Variants in HFM1 observed in about 807,000 individuals in gnomAD.
HFM1 encodes the protein helicase for meiosis 1, also known as probable ATP-dependent DNA helicase HFM1.
Under a neutral mutation model 192.1 loss-of-function variants are expected in HFM1, and 169 were observed. That is an observed-to-expected ratio of 0.88 (90% confidence interval 0.78 to 1.00). The LOEUF (loss-of-function observed/expected upper bound fraction) is 1.00, where lower values mean the gene tolerates loss of function less well. HFM1 is among the 50% of genes least tolerant of loss of function. The pLI, the probability that HFM1 is intolerant of heterozygous loss-of-function variation, is 0.00. For missense variants in HFM1, 1,661 were observed against 1,668.0 expected (o/e 1.00, Z 0.07); for synonymous variants, 525 against 537.8 (o/e 0.98, Z 0.33).
At chr1:91,290,021 G>A (rs1668550444) in intron 30 of HFM1, among the ~76,000 whole-genome samples, 1 of 152,040 alleles carries the variant, frequency 6.6e-6, no homozygotes, top group African/African-American at 2.4e-5. Context: ...TCACCACCAG[G>A]CCTGCCCTAA....
intron 28 of HFM1, among the ~76,000 whole-genome samples, chr1:91,314,495 T>C (rs1650922646): frequency 2.0e-5 from 3 of 152,132 alleles, no homozygotes; most frequent in Non-Finnish European, 4.4e-5. Context: ...GGGCTTTAAG[T>C]GATCCTCCTG....
At chr1:91,375,864 A>G (rs1660842218) in intron 11 of HFM1, 137 bp from the exon 12 acceptor site, 3 of 645,834 alleles carry the variant, frequency 4.6e-6, no homozygotes, top group Non-Finnish European at 5.4e-6. Flanking sequence ...TCAATATTAC[A>G]TATTCCATTA....
At chr1:91,352,403 A>T in intron 16 of HFM1, 103 bp downstream of exon 16, 1 of 824,242 alleles carries the variant, frequency 1.2e-6, no homozygotes, top group Non-Finnish European at 1.8e-6. Flanking sequence ...CTGCTATATT[A>T]CTTTTAAGCC....
At chr1:91,271,029 T>G (rs1009784837) in intron 34 of HFM1, among the ~76,000 whole-genome samples, 1 of 152,116 alleles carries the variant, frequency 6.6e-6, no homozygotes, top group African/African-American at 2.4e-5. Flanking sequence ...CTCCCTTTCC[T>G]TTGAGGAAAC....
chr1:91,277,546 A>T (rs28538315), intron 30 of HFM1, among the ~76,000 whole-genome samples: 1 of 136,080 alleles, frequency 7.3e-6, no homozygotes, highest in Non-Finnish European at 1.5e-5. Flanking sequence ...ATATATATAT[A>T]ATATATATAC....
At chr1:91,287,238 C>A (rs533193568) in intron 30 of HFM1, among the ~76,000 whole-genome samples, 43 of 152,348 alleles carry the variant, frequency 2.8e-4, no homozygotes, top group African/African-American at 9.4e-4. Context: ...ACAGCAGTAA[C>A]CTCTGCAGAC....
intron 13 of HFM1, among the ~76,000 whole-genome samples, chr1:91,364,626 A>ATTTTTTTTT (rs1468902149): frequency 2.3e-5 from 1 of 43,354 alleles, no homozygotes; most frequent in African/African-American, 7.6e-5. Context: ...ATATATATAT[A>ATTTTTTTTT]TATATATTTT....
At chr1:91,378,578 T>C (rs967699908) in intron 9 of HFM1, 98 bp from the exon 10 acceptor site, 1 of 678,594 alleles carries the variant, frequency 1.5e-6, no homozygotes, top group African/African-American at 1.9e-5. Flanking sequence ...GTATTACAAA[T>C]AATAGGCAAT....
chr1:91,280,799 G>A (rs189387106), intron 30 of HFM1, among the ~76,000 whole-genome samples: 4 of 152,336 alleles, frequency 2.6e-5, no homozygotes, highest in Non-Finnish European at 5.9e-5. Context: ...TGGAATTGGG[G>A]ATGTAAGCAG....
chr1:91,366,290 CAGATATT>C (rs1659301425), intron 13 of HFM1, among the ~76,000 whole-genome samples: 1 of 152,136 alleles, frequency 6.6e-6, no homozygotes, highest in South Asian at 2.1e-4. Flanking sequence ...CTTAGGACAC[CAGATATT>C]TCTATGTGAA....
At chr1:91,343,586 G>T in intron 19 of HFM1, 76 bp from the exon 20 acceptor site, 1 of 601,364 alleles carries the variant, frequency 1.7e-6, no homozygotes, top group Non-Finnish European at 2.9e-6. Context: ...TATTAAATAT[G>T]CTAAAGTTGT....
rs1321961244 is a variant in HFM1 at position 91,373,074 on chromosome 1, T to A, written c.1685+2284A>T. Reference sequence around the variant, plus strand: ...TGGAAGGAAAAGTGTCAAAATAGTATCTAGAGGGTGAATAAGTGGCTATGT... The same window carrying A: ...TGGAAGGAAAAGTGTCAAAATAGTAACTAGAGGGTGAATAAGTGGCTATGT... On this transcript the variant is annotated intron_variant, in intron 13 of 38. Transcript: ENST00000370425. Among the ~76,000 whole-genome samples, 5 of 152,010 alleles carry A rather than the reference T, an allele frequency of 3.3e-5. No homozygotes were observed. The South Asian group carries it at 8.3e-4, about 25-fold the overall frequency.
chr1:91,360,141 G>A (rs1003846395), intron 13 of HFM1, among the ~76,000 whole-genome samples: 4 of 151,586 alleles, frequency 2.6e-5, no homozygotes, highest in Admixed American at 2.6e-4. Flanking sequence ...GGATAAACAA[G>A]TCTGAAAAAT....
intron 36 of HFM1, among the ~76,000 whole-genome samples, chr1:91,264,359 G>GTTTTTTTTTTTTTTTTTTT (rs1466938761): frequency 3.5e-4 from 19 of 54,056 alleles, no homozygotes; most frequent in East Asian, 6.0e-4. Context: ...CACAAATTTA[G>GTTTTTTTTTTTTTTTTTTT]TATTTTTTTT....
At chr1:91,338,307 T>C (rs1654864335) in intron 20 of HFM1, among the ~76,000 whole-genome samples, 1 of 152,186 alleles carries the variant, frequency 6.6e-6, no homozygotes, top group South Asian at 2.1e-4. Flanking sequence ...AGGCCTGCCA[T>C]GCTCCTCTAA....
intron 11 of HFM1, among the ~76,000 whole-genome samples, chr1:91,376,401 A>G (rs1386572465): frequency 6.6e-6 from 1 of 152,020 alleles, no homozygotes; most frequent in Non-Finnish European, 1.5e-5. Context: ...AAGAATTTAC[A>G]GACAGAGGGG....
chr1:91,304,868 C>T (rs1184500307), intron 30 of HFM1, among the ~76,000 whole-genome samples: 1 of 152,036 alleles, frequency 6.6e-6, no homozygotes. Flanking sequence ...CCAAATTCAT[C>T]CTTTTGCATG....
chr1:91,262,349 A>G lies in HFM1; in HGVS notation c.4130T>C (p.Ile1377Thr). ...AGAGAAAGTAAAGCATTGCTTCTCA[A>G]TCTCTGGTGACAGATTTTGTGGTTT... ...ERKPQNLSPE[I>T]EKQCFTFSEK... The change falls in exon 38 of 39, where the codon ATT (isoleucine) becomes ACT (threonine). Residue 1377 changes from isoleucine to threonine, a missense_variant. By Grantham distance (89) the Ile-to-Thr change is moderately conservative (BLOSUM62 -1). Coordinates refer to ENST00000370425, the MANE Select transcript of HFM1 (RefSeq NM_001017975.6). 1 of 1,576,410 alleles carries G rather than the reference A, an allele frequency of 6.3e-7. No individual in the cohort carries two copies. Among genetic ancestry groups the G allele is most frequent in the Non-Finnish European group, 8.6e-7 (1 of 1,160,204 alleles).
intron 4 of HFM1, 104 bp from the exon 5 acceptor site, chr1:91,385,938 T>C (rs1662154375): frequency 5.7e-6 from 5 of 883,326 alleles, no homozygotes; most frequent in Admixed American, 5.0e-5. Flanking sequence ...TCATAGATTA[T>C]GGTTTACTCA....
Sources: gnomAD v4.1 joint callset for allele counts (sites outside exome capture counted in the v4.1 genomes callset) on GRCh38, gnomAD v4.1.1 for gene constraint, MANE v1.5 for transcripts, NCBI Gene and HGNC (gene_info 2026-07-23, HGNC 2026-07-21) for gene names.